Variants in PLEKHG4B observed in about 807,000 individuals in gnomAD.
PLEKHG4B encodes pleckstrin homology domain-containing family G member 4B.
In PLEKHG4B, 111 loss-of-function variants were observed where a neutral mutation model predicts 121.3. The ratio of observed to expected loss-of-function variants is 0.92; its 90% CI spans 0.78 to 1.07. The LOEUF is 1.07. Ranked by LOEUF, PLEKHG4B falls within the 50% of genes least tolerant of loss-of-function variation. The pLI, the probability that PLEKHG4B is intolerant of heterozygous loss-of-function variation, is 0.00. For missense variants in PLEKHG4B, 1,831 were observed against 1,757.8 expected (o/e 1.04, Z -0.74); for synonymous variants, 738 against 725.0 (o/e 1.02, Z -0.29).
Position 150,305 on chromosome 5 carries a change from A to G in PLEKHG4B, c.1906-1208A>G, listed in dbSNP as rs186756735. 3.9e-5 allele frequency among the ~76,000 whole-genome samples: 6 copies of G among 152,324 alleles called. No homozygotes were observed. The East Asian group carries it at 9.6e-4, about 24-fold the overall frequency. The stretch of plus-strand genomic sequence containing the variant: ...TCTATGAGTACTCAGAGTAGCCCAG[A>G]TCCCAGAGACAGAAAGTTGAATTAT... On this transcript the variant is annotated intron_variant, in intron 6 of 19. Transcript: ENST00000637938.
intron 14 of PLEKHG4B, 92 bp from the exon 15 acceptor site, chr5:170,951 G>A (rs905987613): frequency 7.1e-6 from 7 of 986,806 alleles, no homozygotes; most frequent in Non-Finnish European, 9.2e-6. Context: ...GTCTTGGGAC[G>A]GGAGCAGTTC....
At chr5:107,491 T>C (rs547690429) in intron 1 of PLEKHG4B, among the ~76,000 whole-genome samples, 1 of 152,052 alleles carries the variant, frequency 6.6e-6, no homozygotes, top group South Asian at 2.1e-4. Context: ...CCTGGGAGAG[T>C]CTTGGGTGCT....
Position 108,365 on chromosome 5 carries a change from C to T in PLEKHG4B, c.46-4886C>T, listed in dbSNP as rs112812896. On this transcript the variant is annotated intron_variant, in intron 1 of 19. Transcript: ENST00000637938. The stretch of plus-strand genomic sequence containing the variant: ...CCCTGTTGTACCAACTTCGGGCCAA[C>T]GGAACTTTTAGCCTTAGAAGCGTCT... Among the ~76,000 whole-genome samples the T allele has an allele frequency of 4.2e-3, 637 of 152,370 alleles. 7 individuals carry two copies. Among genetic ancestry groups the T allele is most frequent in the African/African-American group, 0.015 (613 of 41,588 alleles).
chr5:133,980 A>G (rs1224284275), intron 2 of PLEKHG4B, among the ~76,000 whole-genome samples: 1 of 148,394 alleles, frequency 6.7e-6, no homozygotes, highest in African/African-American at 2.5e-5. Flanking sequence ...GAGATGGACT[A>G]TATATGATGG....
chr5:158,568 C>T (rs1462533347), intron 11 of PLEKHG4B, among the ~76,000 whole-genome samples: 12 of 147,414 alleles, frequency 8.1e-5, no homozygotes, highest in African/African-American at 2.8e-4. Context: ...TCCCTCTGCC[C>T]GTCCTGGGAG....
In PLEKHG4B at chr5:162,713, G is replaced by A; in HGVS notation, c.2650-9G>A. 6.9e-7 allele frequency: 1 copy of A among 1,445,002 alleles called. No individual in the cohort carries two copies. Among genetic ancestry groups the A allele is most frequent in the Non-Finnish European group, 9.1e-7 (1 of 1,097,156 alleles). The allele number at this position is 1,445,002 out of a possible 1,614,324, so 89.5% of individuals were successfully genotyped here. A position where few individuals can be genotyped will look rare whatever the true frequency, so the allele number is the denominator to read the frequency against. On this transcript the variant is annotated splice_polypyrimidine_tract_variant and intron_variant, in intron 12 of 19. Transcript: ENST00000637938. ...CACTGCACTGAGCAGAGCCCTCCTT[G>A]TCCCACAGGTGAGCAGCTGGATGGG...
intron 14 of PLEKHG4B, among the ~76,000 whole-genome samples, chr5:170,139 A>G (rs1481028401): frequency 6.6e-6 from 1 of 152,196 alleles, no homozygotes; most frequent in Non-Finnish European, 1.5e-5. Flanking sequence ...GAGAGTCTTT[A>G]ATAAAGTTTT....
chr5:150,979 G>A (rs1447351194), intron 6 of PLEKHG4B, among the ~76,000 whole-genome samples: 1 of 152,222 alleles, frequency 6.6e-6, no homozygotes, highest in Admixed American at 6.5e-5. Flanking sequence ...TTGTGGTGAG[G>A]CATACCGTGG....
In PLEKHG4B at chr5:157,684, G is replaced by C. The variant is rs984313433; in HGVS notation, c.2487+773G>C. Among the ~76,000 whole-genome samples the C allele has an allele frequency of 2.0e-5, 3 of 152,188 alleles. No individual in the cohort carries two copies. Among genetic ancestry groups the C allele is most frequent in the Non-Finnish European group, 4.4e-5 (3 of 68,022 alleles). On this transcript the variant is annotated intron_variant, in intron 11 of 19. Coordinates refer to ENST00000637938, the MANE Select transcript of PLEKHG4B (RefSeq NM_052909.5). This position sits in a 1 kb window ranked among gnomAD's most constrained non-coding sequence, Gnocchi z 4.6. ...CTCATTTTGATGCCCCTCTGGGCCT[G>C]ACAGTTTAAGGGGTGCACACTCAGA...
intron 17 of PLEKHG4B, 84 bp from the exon 18 acceptor site, chr5:173,834 C>A (rs1579327241): frequency 3.4e-6 from 5 of 1,482,916 alleles, no homozygotes; most frequent in Admixed American, 2.0e-5. Flanking sequence ...GGTGAAGTGA[C>A]CTCCAGCACT....
In PLEKHG4B at chr5:157,248, T is replaced by C; in HGVS notation, c.2487+337T>C. The C allele has an allele frequency of 2.9e-6, 1 of 346,690 alleles. No homozygotes were observed. Among genetic ancestry groups the C allele is most frequent in the Admixed American group, 4.0e-5 (1 of 24,970 alleles). The allele number at this position is 346,690 out of a possible 1,614,324, so 21.5% of individuals were successfully genotyped here. On this transcript the variant is annotated intron_variant, in intron 11 of 19. Transcript: ENST00000637938. The surrounding 1 kb of genome is among the most constrained non-coding windows in gnomAD (Gnocchi z 4.6). ...TTTCTCCATGTGCATGCGTACACAG[T>C]GACTGAGAAGCCGAGGTGAAACCGA...
chr5:141,711 A>ATTTTTTT (rs34273619), intron 3 of PLEKHG4B, among the ~76,000 whole-genome samples: 52 of 127,548 alleles, frequency 4.1e-4, no homozygotes, highest in African/African-American at 9.1e-4. Flanking sequence ...TAAATATTTC[A>ATTTTTTT]TTTTTTTTTT....
chr5:118,823 A>T (rs1734380028), intron 2 of PLEKHG4B, among the ~76,000 whole-genome samples: 1 of 147,718 alleles, frequency 6.8e-6, no homozygotes, highest in Non-Finnish European at 1.5e-5. Context: ...ATTAGAGGAT[A>T]TTGGAGAGCC....
At chr5:181,343 C>T (rs1242422404) in intron 18 of PLEKHG4B, among the ~76,000 whole-genome samples, 171 bp from the exon 19 acceptor site, 3 of 152,156 alleles carry the variant, frequency 2.0e-5, no homozygotes, top group African/African-American at 4.8e-5. Flanking sequence ...TGCCGAAAAC[C>T]GGAATGGGAA....
intron 13 of PLEKHG4B, among the ~76,000 whole-genome samples, chr5:165,200 C>T (rs62344146): frequency 1.3e-4 from 5 of 37,332 alleles, no homozygotes; most frequent in East Asian, 4.4e-4. Context: ...TCTGACGGGG[C>T]GGAGCTCACA....
intron 11 of PLEKHG4B, among the ~76,000 whole-genome samples, chr5:158,109 C>A (rs558038893): frequency 1.3e-5 from 2 of 152,172 alleles, no homozygotes; most frequent in Admixed American, 6.5e-5. Context: ...CCAGCCAGTC[C>A]GGGCTGTCTC....
chr5:162,015 C>T (rs1271815736), intron 12 of PLEKHG4B, 71 bp downstream of exon 12: 1 of 1,495,328 alleles, frequency 6.7e-7, no homozygotes, highest in East Asian at 2.4e-5. Context: ...GCAAGTGCCT[C>T]CCCTCACAAG....
intron 2 of PLEKHG4B, among the ~76,000 whole-genome samples, chr5:131,866 G>T (rs1287147335): frequency 6.6e-5 from 10 of 152,188 alleles, no homozygotes; most frequent in Admixed American, 4.6e-4. Flanking sequence ...GATGACCAGT[G>T]ATGATGAGCA....
At chr5:175,649 G>C (rs1385744009) in intron 18 of PLEKHG4B, among the ~76,000 whole-genome samples, 2 of 82,248 alleles carry the variant, frequency 2.4e-5, no homozygotes, top group African/African-American at 1.0e-4. Context: ...GCTCCTGCAC[G>C]GCTGCACCCC....
Sources: gnomAD v4.1 joint callset for allele counts (sites outside exome capture counted in the v4.1 genomes callset) on GRCh38, gnomAD v4.1.1 for gene constraint, Gnocchi (gnomAD v3.1) non-coding constraint, MANE v1.5 for transcripts, NCBI Gene and HGNC (gene_info 2026-07-23, HGNC 2026-07-21) for gene names.